ERC1: variants seen among roughly 807,000 people sequenced by gnomAD.
ERC1 encodes ELKS/RAB6-interacting/CAST family member 1.
ERC1 carries 56 observed loss-of-function variants against 132.0 expected under a neutral mutation model. The observed-to-expected ratio is 0.42, with a 90% confidence interval of 0.34 to 0.53. The LOEUF (loss-of-function observed/expected upper bound fraction) is 0.53, where lower values mean the gene tolerates loss of function less well. ERC1 is among the 20% of genes least tolerant of loss of function. The probability of loss-of-function intolerance (pLI) is 0.03; values close to 1 mark genes in which losing one functional copy is unlikely to be tolerated. For missense variants in ERC1, 1,202 were observed against 1,349.9 expected (o/e 0.89, Z 1.72); for synonymous variants, 478 against 476.1 (o/e 1.00, Z -0.05).
At chr12:1,281,439 G>GTCAC (rs1722194792) in intron 14 of ERC1, among the ~76,000 whole-genome samples, 1 of 152,066 alleles carries the variant, frequency 6.6e-6, no homozygotes, top group African/African-American at 2.4e-5. Flanking sequence ...TTAGACATTT[G>GTCAC]TCACAAACCC....
intron 15 of ERC1, among the ~76,000 whole-genome samples, chr12:1,349,559 G>C (rs1377174352): frequency 6.6e-6 from 1 of 151,952 alleles, no homozygotes; most frequent in South Asian, 2.1e-4. Context: ...AGCTACTCGG[G>C]AGGCTGAGGC....
chr12:1,339,498 A>G (rs1201659860), intron 15 of ERC1, among the ~76,000 whole-genome samples: 32 of 146,714 alleles, frequency 2.2e-4, no homozygotes, highest in East Asian at 1.8e-3. Context: ...CAACTGTGAC[A>G]GGGTGCTAGC....
intron 1 of ERC1, among the ~76,000 whole-genome samples, chr12:1,006,988 AGTG>A (rs1963750411): frequency 1.3e-5 from 2 of 150,720 alleles, no homozygotes; most frequent in African/African-American, 4.9e-5. Context: ...TATAGTATAT[AGTG>A]TATATATAGT....
At chr12:1,307,857 C>G (rs1488833967) in intron 15 of ERC1, among the ~76,000 whole-genome samples, 3 of 152,290 alleles carry the variant, frequency 2.0e-5, no homozygotes, top group Non-Finnish European at 4.4e-5. Flanking sequence ...TAGAACTGAA[C>G]TGAACTGTAG....
At chr12:1,118,871 C>G (rs1397127317) in intron 7 of ERC1, among the ~76,000 whole-genome samples, 1 of 152,048 alleles carries the variant, frequency 6.6e-6, no homozygotes, top group Non-Finnish European at 1.5e-5. Flanking sequence ...TGGAGTTTTT[C>G]TTTCATTTTT....
chr12:1,205,207 G>T (rs1957245437), intron 12 of ERC1, among the ~76,000 whole-genome samples: 1 of 152,002 alleles, frequency 6.6e-6, no homozygotes, highest in South Asian at 2.1e-4. Context: ...AGTGAGAGAA[G>T]CGGCACAAAA....
chr12:1,254,166 T>C (rs2154317349), intron 13 of ERC1, among the ~76,000 whole-genome samples: 1 of 152,358 alleles, frequency 6.6e-6, no homozygotes, highest in South Asian at 2.1e-4. Context: ...ACTGCTTTCA[T>C]TTTAGGTGAT....
chr12:1,400,906 CTATTTTTGTATTT>C (rs2090964996), intron 16 of ERC1, among the ~76,000 whole-genome samples: 4 of 52,900 alleles, frequency 7.6e-5, no homozygotes, highest in African/African-American at 3.3e-4. Context: ...ATTGTTTTGG[CTATTTTTGTATTT>C]TTTTTTTTTT....
chr12:1,259,202 A>G (rs1259645392), intron 13 of ERC1, among the ~76,000 whole-genome samples: 1 of 152,124 alleles, frequency 6.6e-6, no homozygotes, highest in East Asian at 1.9e-4. Flanking sequence ...CTCTGAGATG[A>G]CCACTTTCAT....
chr12:1,121,788 T>A (rs1206005356), intron 7 of ERC1, among the ~76,000 whole-genome samples: 1 of 9,362 alleles, frequency 1.1e-4, no homozygotes, highest in African/African-American at 1.8e-4. Flanking sequence ...TATCTATCTC[T>A]ATCTCTATCT....
rs772484675 is a variant in ERC1 at position 1,028,007 on chromosome 12, C to T, written c.104C>T (p.Thr35Ile). ...PRSPRLGHRRTNSTGGSSGSS... is the reference protein window; with the variant it reads ...PRSPRLGHRRINSTGGSSGSS... ...TCCCCTCGCTTGGGTCACCGTCGAACCAACAGTACGGGAGGGAGTTCGGGA... is the reference window on the plus strand; with the variant it reads ...TCCCCTCGCTTGGGTCACCGTCGAATCAACAGTACGGGAGGGAGTTCGGGA... Residue 35 changes from threonine to isoleucine, a missense_variant, in exon 2 of 19, where the codon ACC (threonine) becomes ATC (isoleucine). By Grantham distance (89) the Thr-to-Ile change is moderately conservative. Coordinates refer to ENST00000360905, the MANE Select transcript of ERC1 (RefSeq NM_178040.4). 3.1e-6 allele frequency: 5 copies of T among 1,614,056 alleles called. No individual in the cohort carries two copies. In the South Asian group the frequency reaches 5.5e-5, roughly 18 times the overall value.
At position 1,399,105 on chromosome 12, in the gene ERC1, A is replaced by G. The variant is rs533047000; in HGVS notation, c.2926-9044A>G. 1.7e-4 allele frequency among the ~76,000 whole-genome samples: 25 copies of G among 150,914 alleles called. 1 individual carries two copies. In the South Asian group the frequency reaches 5.2e-3, roughly 32 times the overall value. On this transcript the variant is annotated intron_variant, in intron 16 of 18. Transcript: ENST00000360905. Reference sequence around the variant, plus strand: ...GGACTACACACAGGCATGTGACATCATGCCCAGCAATTTTTTTTTATTTTT... The same window carrying G: ...GGACTACACACAGGCATGTGACATCGTGCCCAGCAATTTTTTTTTATTTTT...
At chr12:1,150,755 A>G (rs899712348) in intron 8 of ERC1, among the ~76,000 whole-genome samples, 3 of 152,176 alleles carry the variant, frequency 2.0e-5, no homozygotes, top group Non-Finnish European at 4.4e-5. Context: ...ATTCCACCAA[A>G]CAACTGACTA....
chr12:1,370,834 C>T (rs1284964396), intron 15 of ERC1, among the ~76,000 whole-genome samples: 1 of 152,114 alleles, frequency 6.6e-6, no homozygotes, highest in African/African-American at 2.4e-5. Flanking sequence ...GATCCTCCTA[C>T]CTTAGTCTCC....
At chr12:1,032,292 G>T (rs1026711342) in intron 2 of ERC1, among the ~76,000 whole-genome samples, 3 of 152,104 alleles carry the variant, frequency 2.0e-5, no homozygotes, top group African/African-American at 2.4e-5. Context: ...CTCGTGATCC[G>T]CCTGCCTTGG....
At chr12:1,070,370 G>A (rs997656681) in intron 2 of ERC1, among the ~76,000 whole-genome samples, 1 of 151,162 alleles carries the variant, frequency 6.6e-6, no homozygotes, top group African/African-American at 2.4e-5. Flanking sequence ...GCATGATCAT[G>A]GTTCACTGCA....
chr12:1,267,402 T>C (rs920139775), intron 14 of ERC1, among the ~76,000 whole-genome samples: 6 of 152,240 alleles, frequency 3.9e-5, no homozygotes, highest in African/African-American at 1.4e-4. Context: ...GTATGCTTAG[T>C]TCAGCTATGA....
At chr12:1,101,507 C>T (rs929136736) in intron 3 of ERC1, among the ~76,000 whole-genome samples, 1 of 152,168 alleles carries the variant, frequency 6.6e-6, no homozygotes, top group East Asian at 1.9e-4. Flanking sequence ...ATATTCATGT[C>T]CCGGCTTCTT....
chr12:1,116,108 G>C, intron 7 of ERC1, 75 bp downstream of exon 7: 5 of 1,328,670 alleles, frequency 3.8e-6, no homozygotes, highest in Non-Finnish European at 5.2e-6. Flanking sequence ...TGCTGTTTTT[G>C]TTATGTTTAG....
Sources: gnomAD v4.1 joint callset for allele counts (sites outside exome capture counted in the v4.1 genomes callset) on GRCh38, gnomAD v4.1.1 for gene constraint, MANE v1.5 for transcripts, NCBI Gene and HGNC (gene_info 2026-07-23, HGNC 2026-07-21) for gene names.